SGMS1: variants seen among roughly 807,000 people sequenced by gnomAD.
SGMS1 encodes phosphatidylcholine:ceramide cholinephosphotransferase 1.
A neutral mutation model predicts 46.2 loss-of-function variants in SGMS1; 13 were observed. That is an observed-to-expected ratio of 0.28 (90% CI 0.18 to 0.45). The LOEUF (loss-of-function observed/expected upper bound fraction) is 0.45, where lower values mean the gene tolerates loss of function less well. Ranked by LOEUF, SGMS1 falls within the 20% of genes least tolerant of loss-of-function variation. SGMS1 has a pLI of 1.00. For synonymous variants in SGMS1, 203 were observed against 187.8 expected (o/e 1.08, Z -0.66); for missense variants, 324 against 519.9 (o/e 0.62, Z 3.66).
At chr10:50,562,746 A>G (rs3011800) in intron 2 of SGMS1, among the ~76,000 whole-genome samples, 40,888 of 151,892 alleles carry the variant, frequency 0.27, 5,689 homozygotes, top group East Asian at 0.43. Context: ...GGGTTTCACC[A>G]TGTTATCCAG....
At chr10:50,389,818 T>A (rs12243987) in intron 6 of SGMS1, among the ~76,000 whole-genome samples, 9,254 of 152,184 alleles carry the variant, frequency 0.061, 648 homozygotes, top group African/African-American at 0.17. Context: ...TGTACAAAAA[T>A]AAATAAATAA....
chr10:50,400,195 T>C (rs964522594), intron 6 of SGMS1, among the ~76,000 whole-genome samples: 8 of 151,756 alleles, frequency 5.3e-5, no homozygotes, highest in Non-Finnish European at 1.0e-4. Flanking sequence ...TTAGTACAGT[T>C]GTCAAAAGAT....
At chr10:50,585,140 A>T (rs952179848) in intron 2 of SGMS1, among the ~76,000 whole-genome samples, 3 of 152,256 alleles carry the variant, frequency 2.0e-5, no homozygotes, top group African/African-American at 7.2e-5. Context: ...GCAAATAGAT[A>T]AGCACACAAA....
intron 6 of SGMS1, among the ~76,000 whole-genome samples, chr10:50,423,008 G>A (rs1170123908): frequency 6.6e-6 from 1 of 152,160 alleles, no homozygotes; most frequent in African/African-American, 2.4e-5. Flanking sequence ...TATTAAAATT[G>A]CCCATGACAA....
At chr10:50,412,630 A>G (rs750500793) in intron 6 of SGMS1, among the ~76,000 whole-genome samples, 3 of 152,242 alleles carry the variant, frequency 2.0e-5, no homozygotes, top group Non-Finnish European at 2.9e-5. Context: ...CTAAGATGAC[A>G]AAATTGACAC....
intron 2 of SGMS1, among the ~76,000 whole-genome samples, chr10:50,555,523 C>A (rs939881537): frequency 6.6e-6 from 1 of 152,116 alleles, no homozygotes; most frequent in Non-Finnish European, 1.5e-5. Context: ...ATAAGGAATG[C>A]GGTTGAGGCC....
At chr10:50,344,790 T>C (rs1184426847) in intron 6 of SGMS1, among the ~76,000 whole-genome samples, 2 of 151,784 alleles carry the variant, frequency 1.3e-5, no homozygotes, top group Non-Finnish European at 2.9e-5. Flanking sequence ...GAGAATGGTG[T>C]GAACCCGGGA....
At chr10:50,565,779 C>A (rs1838283061) in intron 2 of SGMS1, among the ~76,000 whole-genome samples, 1 of 152,172 alleles carries the variant, frequency 6.6e-6, no homozygotes, top group Non-Finnish European at 1.5e-5. Flanking sequence ...GGTTAGGGGG[C>A]AACCTCATCA....
intron 7 of SGMS1, among the ~76,000 whole-genome samples, chr10:50,339,867 G>A (rs1019566184): frequency 1.8e-4 from 27 of 152,220 alleles, no homozygotes; most frequent in Admixed American, 3.3e-4. Flanking sequence ...GGAGTAGCTA[G>A]AGATAAGGCA....
upstream of SGMS1, chr10:50,624,176 T>C (rs1428895442): frequency 5.1e-6 from 5 of 971,044 alleles, no homozygotes; most frequent in Non-Finnish European, 4.9e-6. Flanking sequence ...AGGCGGGCGC[T>C]TTCCCCAGCG....
At chr10:50,543,373 G>C (rs1049378382) in intron 2 of SGMS1, among the ~76,000 whole-genome samples, 1 of 152,206 alleles carries the variant, frequency 6.6e-6, no homozygotes, top group Non-Finnish European at 1.5e-5. Flanking sequence ...ATTTCAAAAA[G>C]CCAAGGTGAG....
At chr10:50,410,432 G>T (rs1280647746) in intron 6 of SGMS1, among the ~76,000 whole-genome samples, 1 of 152,132 alleles carries the variant, frequency 6.6e-6, no homozygotes, top group Non-Finnish European at 1.5e-5. Context: ...GACCACACTT[G>T]TGGTGACATT....
chr10:50,371,332 T>C (rs17179881), intron 6 of SGMS1, among the ~76,000 whole-genome samples: 9,865 of 152,230 alleles, frequency 0.065, 881 homozygotes, highest in East Asian at 0.38. Context: ...TTCATCAGAA[T>C]TACTGCCAAA....
chr10:50,351,947 G>A (rs147570647), intron 6 of SGMS1, among the ~76,000 whole-genome samples: 40 of 152,200 alleles, frequency 2.6e-4, no homozygotes, highest in African/African-American at 8.9e-4. Flanking sequence ...GCCCAATTCG[G>A]TCCACAGTGA....
intron 2 of SGMS1, among the ~76,000 whole-genome samples, chr10:50,528,639 C>T (rs188356921): frequency 4.6e-5 from 7 of 152,318 alleles, no homozygotes; most frequent in Non-Finnish European, 1.5e-5. Flanking sequence ...TAGCTCACAC[C>T]TGTAATCCCA....
chr10:50,339,779 G>T lies in SGMS1; in HGVS notation c.623+3713C>A, dbSNP rs145347035. On this transcript the variant is annotated intron_variant, in intron 7 of 10. Transcript: ENST00000361781. ...TTCCCCTTGAGGAACTTACAATTTA[G>T]CAATGAAGGAGACATATATACAACT... Among the ~76,000 whole-genome samples the T allele has an allele frequency of 4.6e-5, 7 of 152,316 alleles. No individual in the cohort carries two copies. The East Asian group carries it at 1.4e-3, about 29-fold the overall frequency.
chr10:50,382,712 G>T (rs1169345367), intron 6 of SGMS1, among the ~76,000 whole-genome samples: 1 of 151,966 alleles, frequency 6.6e-6, no homozygotes, highest in Non-Finnish European at 1.5e-5. Context: ...TTAGCCGACA[G>T]ATCTAAGTTA....
intron 1 of SGMS1, among the ~76,000 whole-genome samples, chr10:50,593,367 G>A (rs1475734064): frequency 6.6e-6 from 1 of 152,228 alleles, no homozygotes; most frequent in Non-Finnish European, 1.5e-5. Context: ...TAAGTGAGAT[G>A]ACAAATGTGT....
chr10:50,320,264 G>A (rs1418975357), intron 8 of SGMS1, among the ~76,000 whole-genome samples: 1 of 152,110 alleles, frequency 6.6e-6, no homozygotes, highest in Non-Finnish European at 1.5e-5. Flanking sequence ...CCTCACGTGA[G>A]TACCAAGAAC....
Sources: gnomAD v4.1 joint callset for allele counts (sites outside exome capture counted in the v4.1 genomes callset) on GRCh38, gnomAD v4.1.1 for gene constraint, MANE v1.5 for transcripts, NCBI Gene and HGNC (gene_info 2026-07-23, HGNC 2026-07-21) for gene names.